The following OPN5 variants were observed in gnomAD, a reference collection of about 807,000 sequenced individuals.
OPN5 encodes opsin-5.
A neutral mutation model predicts 41.7 loss-of-function variants in OPN5; 18 were observed. The observed-to-expected ratio is 0.43, with a 90% CI of 0.30 to 0.64. OPN5 has a LOEUF of 0.64. Among genes scored for constraint, OPN5 ranks in the 30% least tolerant of loss-of-function variants. OPN5 has a pLI of 0.13. For missense variants in OPN5, 318 were observed against 434.5 expected (o/e 0.73, Z 2.38); for synonymous variants, 178 against 164.3 (o/e 1.08, Z -0.64).
intron 4 of OPN5, among the ~76,000 whole-genome samples, chr6:47,806,495 A>T (rs1187056056): frequency 6.6e-6 from 1 of 152,294 alleles, no homozygotes; most frequent in South Asian, 2.1e-4. Context: ...TATCCTTCAC[A>T]CAAAACATGT....
intron 4 of OPN5, among the ~76,000 whole-genome samples, chr6:47,807,055 G>T (rs1000702051): frequency 6.6e-6 from 1 of 152,148 alleles, no homozygotes; most frequent in Non-Finnish European, 1.5e-5. Flanking sequence ...TACTTGGGAG[G>T]CTGAGGCAGG....
chr6:47,785,278 T>A (rs1773167292), intron 1 of OPN5, among the ~76,000 whole-genome samples: 1 of 152,192 alleles, frequency 6.6e-6, no homozygotes, highest in African/African-American at 2.4e-5. Context: ...TGTTTCATTT[T>A]AGTTGGTTTG....
intron 5 of OPN5, among the ~76,000 whole-genome samples, chr6:47,810,236 A>G (rs1165816456): frequency 1.3e-5 from 2 of 152,200 alleles, no homozygotes; most frequent in East Asian, 3.8e-4. Context: ...GAGCTGAAGC[A>G]GTGAGGAGCC....
intron 6 of OPN5, among the ~76,000 whole-genome samples, chr6:47,813,826 G>A (rs1024677204): frequency 1.3e-5 from 2 of 152,110 alleles, no homozygotes. Flanking sequence ...GGATGAAGAA[G>A]AGTTGAGGAT....
At chr6:47,803,805 G>A (rs919441347) in intron 4 of OPN5, among the ~76,000 whole-genome samples, 1 of 152,168 alleles carries the variant, frequency 6.6e-6, no homozygotes, top group Non-Finnish European at 1.5e-5. Flanking sequence ...TAGAAAATCA[G>A]CGATTCTGCC....
intron 1 of OPN5, 52 bp downstream of exon 1, chr6:47,782,248 G>C (rs1773109909): frequency 1.3e-6 from 2 of 1,567,628 alleles, no homozygotes; most frequent in African/African-American, 2.7e-5. Context: ...AAATTCATGG[G>C]CTGATATGTT....
At chr6:47,815,123 A>G (rs1762393024) in intron 6 of OPN5, among the ~76,000 whole-genome samples, 1 of 152,184 alleles carries the variant, frequency 6.6e-6, no homozygotes, top group African/African-American at 2.4e-5. Context: ...CATAAAGTCT[A>G]AATATATTTT....
rs80070720 is a variant in OPN5 at position 47,783,305 on chromosome 6, G to A, written c.130+1109G>A. On this transcript the variant is annotated intron_variant, in intron 1 of 6. Coordinates refer to ENST00000371211, the Ensembl canonical transcript of OPN5. The stretch of plus-strand genomic sequence containing the variant: ...GTGGGTTATGTCTTTAGGTTTGTTT[G>A]CCTTTAATTTTTTCAGATGTTGGGT... Among the ~76,000 whole-genome samples, 433 of 152,164 alleles carry A rather than the reference G, an allele frequency of 2.8e-3. 1 individual carries two copies. The highest frequency in any genetic ancestry group is 0.013 in the South Asian group (62 of 4,814).
At chr6:47,801,939 T>C (rs1773790574) in intron 4 of OPN5, among the ~76,000 whole-genome samples, 1 of 152,218 alleles carries the variant, frequency 6.6e-6, no homozygotes, top group Admixed American at 6.5e-5. Flanking sequence ...GAAAAAGTTT[T>C]AAACTAGGAG....
chr6:47,800,641 C>G (rs1773736126), intron 4 of OPN5, among the ~76,000 whole-genome samples: 1 of 152,142 alleles, frequency 6.6e-6, no homozygotes, highest in East Asian at 1.9e-4. Context: ...GACAGCTTCC[C>G]ATTAGCTTTT....
chr6:47,811,380 T>C (rs1193586472), intron 5 of OPN5, among the ~76,000 whole-genome samples: 2 of 152,142 alleles, frequency 1.3e-5, no homozygotes, highest in African/African-American at 4.8e-5. Flanking sequence ...GGCCTACATA[T>C]ATAGTGCAGG....
At chr6:47,792,982 G>GATTTTT (rs1773430620) in intron 3 of OPN5, among the ~76,000 whole-genome samples, 2 of 138,068 alleles carry the variant, frequency 1.4e-5, no homozygotes. Context: ...CCAGCACTAC[G>GATTTTT]TTTTTTTTTT....
intron 4 of OPN5, among the ~76,000 whole-genome samples, chr6:47,796,641 G>C (rs943344596): frequency 1.3e-5 from 2 of 151,758 alleles, no homozygotes; most frequent in Non-Finnish European, 2.9e-5. Context: ...TCCTACCCTC[G>C]AGTATTCTCA....
chr6:47,793,009 A>T (rs889916963), intron 3 of OPN5, among the ~76,000 whole-genome samples: 2 of 143,688 alleles, frequency 1.4e-5, no homozygotes, highest in Non-Finnish European at 3.0e-5. Context: ...TAAAGTTTAC[A>T]TCTCCTTTTT....
intron 6 of OPN5, among the ~76,000 whole-genome samples, chr6:47,821,976 G>A (rs978180262): frequency 8.5e-5 from 13 of 152,074 alleles, no homozygotes; most frequent in Admixed American, 6.6e-4. Flanking sequence ...GCTGGGCGCG[G>A]TGGCACGTGC....
intron 6 of OPN5, among the ~76,000 whole-genome samples, chr6:47,818,837 G>C (rs1762508928): frequency 6.6e-6 from 1 of 152,178 alleles, no homozygotes; most frequent in South Asian, 2.1e-4. Flanking sequence ...TCATGACAAG[G>C]GTTAGAGCAA....
chr6:47,796,155 C>G (rs1159598753), intron 4 of OPN5, among the ~76,000 whole-genome samples: 3 of 152,144 alleles, frequency 2.0e-5, no homozygotes, highest in Non-Finnish European at 4.4e-5. Flanking sequence ...AAGAACAAGA[C>G]TAGAGTTTAA....
chr6:47,811,607 T>A, intron 5 of OPN5, 67 bp from the exon 6 acceptor site: 2 of 963,152 alleles, frequency 2.1e-6, no homozygotes, highest in Non-Finnish European at 3.3e-6. Context: ...TGTATGTATA[T>A]GTACATATGT....
intron 4 of OPN5, among the ~76,000 whole-genome samples, chr6:47,802,335 A>C (rs1176203564): frequency 6.6e-6 from 1 of 152,128 alleles, no homozygotes; most frequent in Admixed American, 6.6e-5. Context: ...TGTAAACTGC[A>C]GCTTCCCAGT....
Sources: gnomAD v4.1 joint callset for allele counts (sites outside exome capture counted in the v4.1 genomes callset) on GRCh38, gnomAD v4.1.1 for gene constraint, MANE v1.5 for transcripts, NCBI Gene and HGNC (gene_info 2026-07-23, HGNC 2026-07-21) for gene names.